ANKHD1: variants seen among roughly 807,000 people sequenced by gnomAD.
ANKHD1 encodes the protein ankyrin repeat and KH domain containing 1.
Under a neutral mutation model 230.5 loss-of-function variants are expected in ANKHD1, and 31 were observed. The ratio of observed to expected loss-of-function variants is 0.13; its 90% confidence interval spans 0.10 to 0.18. ANKHD1 has a LOEUF of 0.18. Among genes scored for constraint, ANKHD1 ranks in the 10% least tolerant of loss-of-function variants. The probability of loss-of-function intolerance (pLI) is 1.00; values close to 1 mark genes in which losing one functional copy is unlikely to be tolerated. For missense variants in ANKHD1, 2,256 were observed against 3,071.3 expected (o/e 0.73, Z 6.27); for synonymous variants, 1,074 against 1,117.6 (o/e 0.96, Z 0.78).
chr5:140,466,876 G>A (rs1325362859), intron 10 of ANKHD1, among the ~76,000 whole-genome samples: 1 of 151,824 alleles, frequency 6.6e-6, no homozygotes, highest in African/African-American at 2.4e-5. Context: ...GGAGGTTGCA[G>A]TGAGCTGAGA....
rs573349602 is a variant in ANKHD1 at position 140,455,741 on chromosome 5, A to G, written c.1243-2884A>G. Among the ~76,000 whole-genome samples the G allele has an allele frequency of 4.0e-4, 61 of 152,252 alleles. 3 individuals are homozygous for G. The South Asian group carries it at 0.011, about 28-fold the overall frequency. ...AAAATAATAAGAGCTATCTATGACA[A>G]CCCCACAGCCAATATCATACTGAAT... On this transcript the variant is annotated intron_variant, in intron 7 of 33. Coordinates refer to ENST00000360839, the MANE Select transcript of ANKHD1 (RefSeq NM_017747.3).
At chr5:140,408,588 T>C (rs1770666822) in intron 1 of ANKHD1, among the ~76,000 whole-genome samples, 1 of 152,232 alleles carries the variant, frequency 6.6e-6, no homozygotes, top group African/African-American at 2.4e-5. Context: ...GCAAAAGTCA[T>C]ACAGAAATCC....
chr5:140,436,990 A>G (rs1581244447), intron 2 of ANKHD1, among the ~76,000 whole-genome samples: 1 of 152,366 alleles, frequency 6.6e-6, no homozygotes, highest in East Asian at 1.9e-4. Flanking sequence ...TGTGAAATAT[A>G]TTAAGTAGAT....
chr5:140,427,784 C>T (rs1019438435), intron 1 of ANKHD1, among the ~76,000 whole-genome samples: 7 of 150,980 alleles, frequency 4.6e-5, no homozygotes, highest in African/African-American at 1.5e-4. Flanking sequence ...CTGATCCCCC[C>T]ACCTCCCTCC....
chr5:140,509,876 A>G, intron 21 of ANKHD1, 64 bp downstream of exon 21: 2 of 1,559,542 alleles, frequency 1.3e-6, no homozygotes, highest in Non-Finnish European at 1.7e-6. Context: ...GAGCTTTTAA[A>G]GTTAATAACA....
At chr5:140,486,233 T>G (rs1027049035) in intron 13 of ANKHD1, among the ~76,000 whole-genome samples, 6 of 152,054 alleles carry the variant, frequency 3.9e-5, no homozygotes, top group African/African-American at 1.4e-4. Context: ...CCCAGCTAAT[T>G]TTTTGTATTT....
chr5:140,464,703 C>T lies in ANKHD1; in HGVS notation c.1709C>T (p.Thr570Ile). 1 of 1,602,544 alleles carries T rather than the reference C, an allele frequency of 6.2e-7. No homozygotes were observed. The highest frequency in any genetic ancestry group is 1.1e-5 in the South Asian group (1 of 89,548). ...NVHATTATGD[T>I]ALTYACENGH... ...CATGCTACAACAGCAACAGGAGACA[C>T]AGCCTTAACCTATGCTTGTGAAAAT... Residue 570 changes from threonine to isoleucine, a missense_variant, in exon 10 of 34, where the codon ACA becomes ATA. Transcript: ENST00000360839.
chr5:140,473,026 CT>C (rs67081504), intron 10 of ANKHD1, among the ~76,000 whole-genome samples: 48,789 of 130,682 alleles, frequency 0.37, 7,552 homozygotes, highest in Middle Eastern at 0.5. Context: ...ATCTAAGTTT[CT>C]TTTTTTTTTT....
intron 1 of ANKHD1, among the ~76,000 whole-genome samples, chr5:140,409,235 G>A (rs1341519345): frequency 6.6e-6 from 1 of 152,172 alleles, no homozygotes; most frequent in Non-Finnish European, 1.5e-5. Context: ...GAACAAGGGA[G>A]AAATAGAAGG....
rs762435954 is a variant in ANKHD1 at position 140,528,409 on chromosome 5, G to A, written c.5463G>A (p.Thr1821=). 30 of 1,613,926 alleles carry A rather than the reference G, an allele frequency of 1.9e-5. No individual in the cohort carries two copies. The highest frequency in any genetic ancestry group is 2.4e-5 in the Non-Finnish European group (28 of 1,180,004). ...CTCTTGTAACTTCACAGGCAACAAC[G>A]TTATCTACGTTCCAGCCCGCTAATA... ...APTLVTSQAT[T]LSTFQPANKL... The change falls in exon 29 of 34, where the codon ACG becomes ACA. Residue 1821 remains threonine, a synonymous_variant. Transcript: ENST00000360839.
At chr5:140,536,076 T>C (rs999323302) in intron 30 of ANKHD1, among the ~76,000 whole-genome samples, 9 of 151,960 alleles carry the variant, frequency 5.9e-5, no homozygotes, top group African/African-American at 2.2e-4. Context: ...GTTAAAATAT[T>C]CCTTTGTTCT....
At chr5:140,486,145 A>C in intron 13 of ANKHD1, 2 of 178,900 alleles carry the variant, frequency 1.1e-5, no homozygotes, top group Non-Finnish European at 2.3e-5. Flanking sequence ...GCTCACCGCA[A>C]CCTCCGCCTC....
Position 140,485,774 on chromosome 5 carries a change from C to G in ANKHD1, c.2142+42C>G, listed in dbSNP as rs1213661064. ...CTTGTTTGTTAATATAAATATTCTTCAACATGATTAGAAGTTTTTGTTTAA... is the reference window on the plus strand; with the variant it reads ...CTTGTTTGTTAATATAAATATTCTTGAACATGATTAGAAGTTTTTGTTTAA... On this transcript the variant is annotated intron_variant, in intron 13 of 33. Transcript: ENST00000360839. This position sits in a 1 kb window ranked among gnomAD's most constrained non-coding sequence, Gnocchi z 4.8. 1 of 1,601,678 alleles carries G rather than the reference C, an allele frequency of 6.2e-7. No individual in the cohort carries two copies. The highest frequency in any genetic ancestry group is 1.4e-5 in the African/African-American group (1 of 74,060).
chr5:140,518,118 C>T (rs1753129084), intron 24 of ANKHD1, among the ~76,000 whole-genome samples: 1 of 152,190 alleles, frequency 6.6e-6, no homozygotes, highest in African/African-American at 2.4e-5. Context: ...CACCACTGAT[C>T]CTACAGAAAT....
In ANKHD1 at chr5:140,504,940, T is replaced by C; in HGVS notation, c.3124T>C (p.Tyr1042His). Residue 1042 changes from tyrosine to histidine, a missense_variant, in exon 16 of 34, where the codon TAT becomes CAT. Physicochemically the swap from Tyr to His is moderately conservative, Grantham distance 83. Transcript: ENST00000360839. ...GGCTTCCCAATCGATGCCTCCTGTG[T>C]ATCCTTCAGTTGACATTGATGCACA... The part of the protein sequence containing the change: ...NVASQSMPPV[Y>H]PSVDIDAHTE... 1 of 1,614,176 alleles carries C rather than the reference T, an allele frequency of 6.2e-7. No homozygotes were observed.
At chr5:140,526,842 C>T (rs541499495) in intron 26 of ANKHD1, 86 bp from the exon 27 acceptor site, 15 of 1,453,566 alleles carry the variant, frequency 1.0e-5, no homozygotes, top group Middle Eastern at 1.9e-4. Context: ...AATATTTCAG[C>T]GTAACTCTGG....
chr5:140,432,988 G>A (rs1433407454), intron 1 of ANKHD1, among the ~76,000 whole-genome samples: 1 of 151,082 alleles, frequency 6.6e-6, no homozygotes, highest in Non-Finnish European at 1.5e-5. Flanking sequence ...ATAGACGTGA[G>A]CCACTGTGCT....
chr5:140,427,057 C>T (rs576753432), intron 1 of ANKHD1, among the ~76,000 whole-genome samples: 52 of 152,262 alleles, frequency 3.4e-4, no homozygotes, highest in Admixed American at 6.5e-4. Flanking sequence ...GGGTGGTGGC[C>T]GGGCGGAGGG....
chr5:140,402,410 C>A, intron 1 of ANKHD1, 137 bp downstream of exon 1: 2 of 1,245,458 alleles, frequency 1.6e-6, no homozygotes, highest in Non-Finnish European at 1.0e-6. Flanking sequence ...GCGGCGGTGG[C>A]CGCGGTGAGG....
Sources: gnomAD v4.1 joint callset for allele counts (sites outside exome capture counted in the v4.1 genomes callset) on GRCh38, gnomAD v4.1.1 for gene constraint, Gnocchi (gnomAD v3.1) non-coding constraint, MANE v1.5 for transcripts, NCBI Gene and HGNC (gene_info 2026-07-23, HGNC 2026-07-21) for gene names.